Variants in HAUS8 observed in about 807,000 individuals in gnomAD.
HAUS8 encodes the protein HAUS augmin like complex subunit 8, also known as HAUS augmin-like complex subunit 8.
A neutral mutation model predicts 42.9 loss-of-function variants in HAUS8; 38 were observed. The observed-to-expected ratio is 0.89, with a 90% CI of 0.68 to 1.16. The LOEUF is 1.16. Among genes scored for constraint, HAUS8 ranks in the 50% most tolerant of loss-of-function variants. HAUS8 has a pLI of 0.00. For synonymous variants in HAUS8, 199 were observed against 205.8 expected (o/e 0.97, Z 0.28); for missense variants, 494 against 511.6 (o/e 0.97, Z 0.33).
chr19:17,062,834 C>T (rs568891883), intron 3 of HAUS8, 55 bp from the exon 4 acceptor site: 16 of 1,346,950 alleles, frequency 1.2e-5, no homozygotes, highest in Middle Eastern at 1.9e-4. Context: ...TTCACAACAA[C>T]GGGCCCTGAT....
chr19:17,070,042 C>G (rs916748507), intron 2 of HAUS8, among the ~76,000 whole-genome samples: 2 of 152,124 alleles, frequency 1.3e-5, no homozygotes, highest in African/African-American at 4.8e-5. Flanking sequence ...CAGCTCCTCT[C>G]TCCACCAGAT....
chr19:17,058,263 G>A (rs1006841677), intron 8 of HAUS8, among the ~76,000 whole-genome samples: 7 of 152,370 alleles, frequency 4.6e-5, no homozygotes, highest in East Asian at 1.9e-4. Context: ...CCCAGAGCAC[G>A]TCATCCTGTT....
intron 3 of HAUS8, among the ~76,000 whole-genome samples, chr19:17,065,717 C>T (rs2123376315): frequency 6.6e-6 from 1 of 152,102 alleles, no homozygotes; most frequent in South Asian, 2.1e-4. Flanking sequence ...ATCCCAGCTA[C>T]TCCAGAGGCT....
chr19:17,059,940 ACT>A lies in HAUS8; in HGVS notation c.325+55_325+56del, dbSNP rs1390725064. 3.2e-6 allele frequency: 4 copies of A among 1,267,910 alleles called. No individual in the cohort carries two copies. In the African/African-American group the frequency reaches 5.9e-5, roughly 19 times the overall value. 78.5% of individuals were successfully genotyped at this position (1,267,910 alleles called of 1,614,324 possible). A position where few individuals can be genotyped will look rare whatever the true frequency, so the allele number is the denominator to read the frequency against. ...TAGGCCAATTGTACTTTGGAAGCCCACTGAGACCTACTGCAACCCCCAGTGAG... is the reference window on the plus strand; with the variant it reads ...TAGGCCAATTGTACTTTGGAAGCCCAGAGACCTACTGCAACCCCCAGTGAG... On this transcript the variant is annotated intron_variant, in intron 5 of 10. Transcript: ENST00000253669.
At chr19:17,063,289 G>A (rs1186876366) in intron 3 of HAUS8, among the ~76,000 whole-genome samples, 1 of 152,148 alleles carries the variant, frequency 6.6e-6, no homozygotes, top group African/African-American at 2.4e-5. Context: ...TCGGGTCCAG[G>A]GGTTTGAGGC....
At chr19:17,053,195 A>G (rs2057298885) in intron 9 of HAUS8, 1 of 573,010 alleles carries the variant, frequency 1.7e-6, no homozygotes, top group South Asian at 2.0e-5. Flanking sequence ...GCATTGGACC[A>G]GAACTGAAAT....
At chr19:17,050,713 T>C (rs1174563113) in intron 10 of HAUS8, among the ~76,000 whole-genome samples, 1 of 151,918 alleles carries the variant, frequency 6.6e-6, no homozygotes, top group African/African-American at 2.4e-5. Flanking sequence ...TTGGCCAACA[T>C]GGTGAAAGCC....
At position 17,071,575 on chromosome 19, in the gene HAUS8, C is replaced by T. The variant is rs115430540; in HGVS notation, c.91+1699G>A. On this transcript the variant is annotated intron_variant, in intron 2 of 10. Coordinates refer to ENST00000253669, the MANE Select transcript of HAUS8 (RefSeq NM_033417.2). ...CTCCCAGCAGAAAGACCATCCAGCC[C>T]GGGTCTTTCTAGTAGCATCAGGAAA... is the stretch of plus-strand genomic sequence containing the variant. 9.4e-3 allele frequency among the ~76,000 whole-genome samples: 1,424 copies of T among 152,236 alleles called. 17 individuals carry two copies. Among genetic ancestry groups the T allele is most frequent in the African/African-American group, 0.026 (1,092 of 41,538 alleles).
chr19:17,068,604 A>G (rs76994203), intron 3 of HAUS8, among the ~76,000 whole-genome samples: 11,416 of 152,100 alleles, frequency 0.075, 530 homozygotes, highest in South Asian at 0.096. Flanking sequence ...CTGTCTCTAC[A>G]AAAACGTTTA....
rs778346105 is a variant in HAUS8 at position 17,058,587 on chromosome 19, G to C, written c.607C>G (p.Gln203Glu). The C allele has an allele frequency of 3.1e-6, 5 of 1,610,848 alleles. No homozygotes were observed. The highest frequency in any genetic ancestry group is 1.7e-6 in the Non-Finnish European group (2 of 1,178,912). ...ACATCTGCCAGCTCCCGCTTCCTCT[G>C]AGAGAGGAGAAGCCTGCGCTTCAGC... ...HELKRRLLLS[Q>E]RKRELADVLD... The change falls in exon 8 of 11, where the codon CAG (glutamine) becomes GAG (glutamate). Residue 203 changes from glutamine to glutamate, a missense_variant. Gln to Glu is a conservative substitution (Grantham distance 29, BLOSUM62 2). Transcript: ENST00000253669.
intron 3 of HAUS8, among the ~76,000 whole-genome samples, chr19:17,064,568 T>C (rs893802681): frequency 2.6e-5 from 4 of 152,140 alleles, no homozygotes; most frequent in Non-Finnish European, 5.9e-5. Flanking sequence ...GATGTGCACA[T>C]ACATGGTCAA....
intron 1 of HAUS8, chr19:17,074,646 G>A (rs2057454360): frequency 6.6e-6 from 1 of 152,464 alleles, no homozygotes; most frequent in Non-Finnish European, 1.5e-5. Context: ...ACCTGAGGGG[G>A]GTCCCTACAA....
chr19:17,056,189 C>T (rs182793296), intron 8 of HAUS8, among the ~76,000 whole-genome samples, 187 bp from the exon 9 acceptor site: 21 of 152,312 alleles, frequency 1.4e-4, no homozygotes, highest in Admixed American at 2.6e-4. Flanking sequence ...GATGGCAAGG[C>T]GGCCCAGGCC....
intron 3 of HAUS8, among the ~76,000 whole-genome samples, chr19:17,067,025 T>C (rs1331318156): frequency 1.3e-5 from 2 of 152,008 alleles, no homozygotes; most frequent in Non-Finnish European, 2.9e-5. Flanking sequence ...GCCAACATGC[T>C]GAAACCCTGT....
intron 8 of HAUS8, among the ~76,000 whole-genome samples, chr19:17,057,341 C>T (rs11670553): frequency 0.25 from 36,192 of 147,720 alleles, 5,409 homozygotes; most frequent in South Asian, 0.45. Context: ...CAGAGCAAGA[C>T]GCCCATCTCA....
chr19:17,067,965 A>G (rs1486293084), intron 3 of HAUS8, among the ~76,000 whole-genome samples: 2 of 152,136 alleles, frequency 1.3e-5, no homozygotes, highest in East Asian at 3.8e-4. Context: ...TCATGCCATT[A>G]CTTTCAATGG....
At chr19:17,060,619 G>A (rs2057354590) in intron 4 of HAUS8, among the ~76,000 whole-genome samples, 1 of 152,132 alleles carries the variant, frequency 6.6e-6, no homozygotes, top group African/African-American at 2.4e-5. Flanking sequence ...TGTTGGCCAG[G>A]CTGGTCTCAA....
intron 9 of HAUS8, chr19:17,055,161 T>A (rs867435671): frequency 3.7e-4 from 13 of 35,024 alleles, no homozygotes; most frequent in Non-Finnish European, 4.9e-4. Flanking sequence ...TATATATATA[T>A]ATATATATAT....
chr19:17,058,887 G>T lies in HAUS8; in HGVS notation c.421-11C>A. 1 of 1,604,998 alleles carries T rather than the reference G, an allele frequency of 6.2e-7. No individual in the cohort carries two copies. On this transcript the variant is annotated splice_polypyrimidine_tract_variant and intron_variant, in intron 6 of 10. Transcript: ENST00000253669. ...TGCTTCAGATAAATCCTTAAGAAAA[G>T]AAAAAGACCCTCTCAATTCCTGATG...
Sources: allele counts gnomAD v4.1 joint callset (sites outside exome capture counted in the v4.1 genomes callset), GRCh38; gene constraint gnomAD v4.1.1; transcripts MANE v1.5; gene names NCBI Gene and HGNC (gene_info 2026-07-23, HGNC 2026-07-21).